EPHA3: variants seen among roughly 807,000 people sequenced by gnomAD.
EPHA3 encodes EPH receptor A3, also known as ephrin type-A receptor 3.
A neutral mutation model predicts 107.1 loss-of-function variants in EPHA3; 42 were observed. That is an observed-to-expected ratio of 0.39 (90% CI 0.31 to 0.51). EPHA3 has a LOEUF of 0.51. Ranked by LOEUF, EPHA3 falls within the 20% of genes least tolerant of loss-of-function variation. The pLI is 0.78. For synonymous variants in EPHA3, 461 were observed against 424.8 expected, an observed-to-expected ratio of 1.09 and a Z score of -1.05; for missense variants, 1,183 against 1,211.2, an observed-to-expected ratio of 0.98 and a Z score of 0.35.
chr3:89,293,916 T>A (rs190119639), intron 3 of EPHA3, among the ~76,000 whole-genome samples: 1,732 of 152,318 alleles, frequency 0.011, 24 homozygotes, highest in Non-Finnish European at 0.017. Context: ...ATCACAAAAA[T>A]ATATTTAAAT....
At chr3:89,369,819 A>G (rs1232568602) in intron 5 of EPHA3, among the ~76,000 whole-genome samples, 1 of 150,246 alleles carries the variant, frequency 6.7e-6, no homozygotes, top group Non-Finnish European at 1.5e-5. Context: ...AGAAAAAAAC[A>G]AACAACCCCA....
intron 2 of EPHA3, among the ~76,000 whole-genome samples, chr3:89,200,974 C>A (rs1705954832): frequency 6.6e-6 from 1 of 151,990 alleles, no homozygotes; most frequent in Admixed American, 6.6e-5. Flanking sequence ...CAGCCCTGAA[C>A]TGGAATAAGC....
chr3:89,145,957 A>G (rs74832836), intron 2 of EPHA3, among the ~76,000 whole-genome samples: 2,054 of 152,020 alleles, frequency 0.014, 53 homozygotes, highest in African/African-American at 0.048. Flanking sequence ...ATGTAGTGTT[A>G]AAAATGAATA....
At position 89,407,355 on chromosome 3, in the gene EPHA3, T is replaced by C. The variant is rs1322202080; in HGVS notation, c.1681T>C (p.Tyr561His). 3 of 1,613,276 alleles carry C rather than the reference T, an allele frequency of 1.9e-6. No homozygotes were observed. Among genetic ancestry groups the C allele is most frequent in the Non-Finnish European group, 2.5e-6 (3 of 1,179,480 alleles). ...VAIILLTVVI[Y>H]VLIGRFCGYK... is the part of the protein sequence containing the mutation. ...AATTATTCTCCTCACTGTTGTCATC[T>C]ATGTTTTGATTGGGAGGTGAGTTCA... Residue 561 changes from tyrosine (Y) to histidine (H), a missense_variant, in exon 8 of 17, where the codon TAT (tyrosine) becomes CAT (histidine). Physicochemically the swap from Tyr to His is moderately conservative, Grantham distance 83. Transcript: ENST00000336596.
intron 3 of EPHA3, among the ~76,000 whole-genome samples, chr3:89,265,035 A>G (rs1299910591): frequency 6.6e-6 from 1 of 152,204 alleles, no homozygotes; most frequent in Admixed American, 6.5e-5. Context: ...AGAATTGCAG[A>G]CATTTAAAAA....
At chr3:89,268,007 A>G (rs1409490011) in intron 3 of EPHA3, among the ~76,000 whole-genome samples, 4 of 152,130 alleles carry the variant, frequency 2.6e-5, no homozygotes, top group Non-Finnish European at 4.4e-5. Flanking sequence ...ATTGACCTTC[A>G]GTAAAGTATG....
At chr3:89,413,306 T>C in intron 10 of EPHA3, 40 bp downstream of exon 10, 1 of 1,609,232 alleles carries the variant, frequency 6.2e-7, no homozygotes. Flanking sequence ...GTACTGTATG[T>C]GAATCACGAT....
At chr3:89,441,325 T>C (rs1709779932) in intron 13 of EPHA3, among the ~76,000 whole-genome samples, 1 of 152,190 alleles carries the variant, frequency 6.6e-6, no homozygotes, top group Non-Finnish European at 1.5e-5. Flanking sequence ...AAGTTTGAAT[T>C]GGAAGTCTTT....
intron 13 of EPHA3, among the ~76,000 whole-genome samples, chr3:89,441,050 A>G (rs1014503397): frequency 1.3e-5 from 2 of 152,194 alleles, no homozygotes; most frequent in Non-Finnish European, 2.9e-5. Flanking sequence ...TATATAGTCC[A>G]TGACCCTGTT....
At chr3:89,216,954 T>C (rs1271010304) in intron 3 of EPHA3, among the ~76,000 whole-genome samples, 5 of 152,150 alleles carry the variant, frequency 3.3e-5, no homozygotes, top group Non-Finnish European at 7.4e-5. Flanking sequence ...TTTTCCCTCC[T>C]GATGGACTTA....
intron 3 of EPHA3, among the ~76,000 whole-genome samples, chr3:89,211,165 C>G (rs185891304): frequency 3.3e-5 from 5 of 151,976 alleles, no homozygotes; most frequent in African/African-American, 1.2e-4. Flanking sequence ...TTGTATCATC[C>G]GTTAGGCTTG....
At chr3:89,302,504 A>G (rs1312262231) in intron 3 of EPHA3, among the ~76,000 whole-genome samples, 3 of 152,148 alleles carry the variant, frequency 2.0e-5, no homozygotes, top group Admixed American at 6.6e-5. Context: ...GAGAGTAAGG[A>G]ACTGAGGAGG....
Position 89,179,667 on chromosome 3 carries a change from T to TAA in EPHA3, c.154-30179_154-30178dup, listed in dbSNP as rs11391439. On this transcript the variant is annotated intron_variant, in intron 2 of 16. Transcript: ENST00000336596. Reference sequence around the variant, plus strand: ...ATGTTGCCAATATTTTTAAAGTCTGTAAAAAAAAAAAAAAAGATCTTCAAA... The same window carrying TAA: ...ATGTTGCCAATATTTTTAAAGTCTGTAAAAAAAAAAAAAAAAAGATCTTCAAA... 1.8e-3 allele frequency among the ~76,000 whole-genome samples: 258 copies of TAA among 143,570 alleles called. 2 individuals carry two copies. Among genetic ancestry groups the TAA allele is most frequent in the East Asian group, 0.01 (51 of 4,950 alleles). The allele number at this position is 143,570 out of a possible 152,430, so 94.2% of individuals were successfully genotyped here.
At chr3:89,378,711 T>G (rs1317254623) in intron 5 of EPHA3, among the ~76,000 whole-genome samples, 1 of 152,166 alleles carries the variant, frequency 6.6e-6, no homozygotes, top group Non-Finnish European at 1.5e-5. Context: ...AATACATACA[T>G]TGGATTGAAA....
intron 3 of EPHA3, among the ~76,000 whole-genome samples, chr3:89,249,296 C>T (rs1026992233): frequency 6.6e-6 from 1 of 152,184 alleles, no homozygotes; most frequent in Non-Finnish European, 1.5e-5. Flanking sequence ...GCTTTGACAT[C>T]TCACTTCCTC....
intron 2 of EPHA3, among the ~76,000 whole-genome samples, chr3:89,137,529 C>G (rs1458043085): frequency 6.6e-6 from 1 of 151,880 alleles, no homozygotes; most frequent in African/African-American, 2.4e-5. Flanking sequence ...AGTCATTGAA[C>G]CTAAGAATGC....
chr3:89,421,609 A>G (rs1709354911), intron 11 of EPHA3, among the ~76,000 whole-genome samples: 2 of 151,324 alleles, frequency 1.3e-5, no homozygotes, highest in Admixed American at 6.6e-5. Flanking sequence ...ATTTAAGCTT[A>G]CTAATAAACT....
intron 5 of EPHA3, among the ~76,000 whole-genome samples, chr3:89,350,745 G>A (rs1421902946): frequency 6.6e-6 from 1 of 150,886 alleles, no homozygotes; most frequent in Non-Finnish European, 1.5e-5. Flanking sequence ...CATCTTTGTG[G>A]TTTTATCTAC....
intron 3 of EPHA3, among the ~76,000 whole-genome samples, chr3:89,305,216 T>C (rs1706586550): frequency 1.3e-5 from 2 of 152,184 alleles, no homozygotes; most frequent in African/African-American, 4.8e-5. Context: ...ATCTTCCTAT[T>C]CTGAATACAT....
Sources: allele counts gnomAD v4.1 joint callset (sites outside exome capture counted in the v4.1 genomes callset), GRCh38; gene constraint gnomAD v4.1.1; transcripts MANE v1.5; gene names NCBI Gene and HGNC (gene_info 2026-07-23, HGNC 2026-07-21).